UTRN: variants seen among roughly 807,000 people sequenced by gnomAD.
UTRN encodes dystrophin-related protein 1.
Under a neutral mutation model 463.9 loss-of-function variants are expected in UTRN, and 283 were observed. That is an observed-to-expected ratio of 0.61 (90% confidence interval 0.55 to 0.67). The LOEUF is 0.67. Among genes scored for constraint, UTRN ranks in the 30% least tolerant of loss-of-function variants. The pLI is 0.00. For missense variants in UTRN, 3,922 were observed against 4,084.3 expected (o/e 0.96, Z 1.08); for synonymous variants, 1,442 against 1,431.5 (o/e 1.01, Z -0.17).
chr6:144,373,145 A>G (rs1444430470), intron 2 of UTRN, among the ~76,000 whole-genome samples: 6 of 152,198 alleles, frequency 3.9e-5, no homozygotes, highest in Non-Finnish European at 8.8e-5. Flanking sequence ...TTATCATATA[A>G]CTCAGTAATT....
chr6:144,527,751 A>T (rs1251197167), intron 41 of UTRN, among the ~76,000 whole-genome samples: 1 of 151,964 alleles, frequency 6.6e-6, no homozygotes, highest in Non-Finnish European at 1.5e-5. Context: ...TTGAGCTCTG[A>T]GGTTTCTTCT....
At chr6:144,359,881 G>T (rs538262245) in intron 2 of UTRN, among the ~76,000 whole-genome samples, 2 of 152,128 alleles carry the variant, frequency 1.3e-5, no homozygotes, top group South Asian at 4.1e-4. Context: ...GTTTTTCCCA[G>T]TGTTGCTGCA....
At chr6:144,732,241 T>TAC (rs1554359946) in intron 54 of UTRN, among the ~76,000 whole-genome samples, 641 of 23,862 alleles carry the variant, frequency 0.027, 1 homozygote, top group Non-Finnish European at 0.038. Flanking sequence ...TATATATACA[T>TAC]ATATATATAT....
chr6:144,346,857 C>T (rs1382697119), intron 2 of UTRN, among the ~76,000 whole-genome samples: 1 of 150,330 alleles, frequency 6.7e-6, no homozygotes, highest in Non-Finnish European at 1.5e-5. Context: ...ATCACTATCT[C>T]TCTGTCTATC....
chr6:144,323,032 AG>A, intron 2 of UTRN, among the ~76,000 whole-genome samples: 1 of 152,150 alleles, frequency 6.6e-6, no homozygotes, highest in Non-Finnish European at 1.5e-5. Context: ...CCATGTGTAA[AG>A]GATTAGTGAG....
chr6:144,514,294 G>A (rs1386364664), intron 36 of UTRN, among the ~76,000 whole-genome samples: 1 of 152,190 alleles, frequency 6.6e-6, no homozygotes, highest in East Asian at 1.9e-4. Flanking sequence ...GAGTCTTGCT[G>A]ATTGCTGACT....
chr6:144,539,256 A>C, intron 44 of UTRN, 38 bp from the exon 45 acceptor site: 1 of 1,523,254 alleles, frequency 6.6e-7, no homozygotes, highest in Non-Finnish European at 8.8e-7. Context: ...CCCTTATCTG[A>C]CTACCTTCTA....
At chr6:144,820,755 A>G (rs1417573283) in intron 65 of UTRN, 127 bp from the exon 66 acceptor site, 9 of 1,191,852 alleles carry the variant, frequency 7.6e-6, no homozygotes, top group Non-Finnish European at 8.0e-6. Flanking sequence ...CTTTATTTCA[A>G]AAATGCATAA....
chr6:144,462,003 C>T (rs1026388535), intron 22 of UTRN, among the ~76,000 whole-genome samples: 6 of 151,992 alleles, frequency 3.9e-5, no homozygotes, highest in African/African-American at 1.4e-4. Context: ...TAGTTTGCTG[C>T]ACTACGTATT....
rs575786367 is a variant in UTRN at position 144,687,622 on chromosome 6, C to T, written c.7652+9044C>T. Among the ~76,000 whole-genome samples the T allele has an allele frequency of 1.5e-4, 23 of 152,166 alleles. 1 individual carries two copies. The highest frequency in any genetic ancestry group is 6.2e-4 in the South Asian group (3 of 4,822). ...TGCTGAATACAAAATTCTTGGCTGACGGTTTTTTCTGTTTAAAGAGGCTAC... is the reference window on the plus strand; with the variant it reads ...TGCTGAATACAAAATTCTTGGCTGATGGTTTTTTCTGTTTAAAGAGGCTAC... On this transcript the variant is annotated intron_variant, in intron 52 of 74. Coordinates refer to ENST00000367545, the MANE Select transcript of UTRN (RefSeq NM_007124.3).
chr6:144,322,708 G>A (rs1775736425), intron 2 of UTRN, among the ~76,000 whole-genome samples: 1 of 152,210 alleles, frequency 6.6e-6, no homozygotes, highest in South Asian at 2.1e-4. Context: ...GGAGGCCGAG[G>A]TGGGCGGATC....
At chr6:144,850,922 T>A (rs754409170) in intron 74 of UTRN, 67 bp from the exon 75 acceptor site, 1 of 1,599,682 alleles carries the variant, frequency 6.3e-7, no homozygotes, top group Non-Finnish European at 8.6e-7. Context: ...CTTGAAGAAT[T>A]GACAGATCTC....
At chr6:144,508,206 C>T (rs1025707014) in intron 34 of UTRN, among the ~76,000 whole-genome samples, 3 of 152,142 alleles carry the variant, frequency 2.0e-5, no homozygotes, top group African/African-American at 7.2e-5. Context: ...AGCTAGACCA[C>T]TTGGCTCCCT....
At chr6:144,522,868 A>C (rs1796230190) in intron 40 of UTRN, 148 bp from the exon 41 acceptor site, 1 of 706,312 alleles carries the variant, frequency 1.4e-6, no homozygotes, top group Admixed American at 3.3e-5. Context: ...CATTTAAAAA[A>C]AAAAAGTTTT....
At chr6:144,793,507 T>G (rs1364314949) in intron 62 of UTRN, among the ~76,000 whole-genome samples, 1 of 152,246 alleles carries the variant, frequency 6.6e-6, no homozygotes, top group Non-Finnish European at 1.5e-5. Flanking sequence ...AATTAATTCA[T>G]ATGCATTTAT....
chr6:144,423,907 C>G, intron 5 of UTRN, 79 bp from the exon 6 acceptor site: 2 of 1,439,360 alleles, frequency 1.4e-6, no homozygotes, highest in Non-Finnish European at 1.9e-6. Flanking sequence ...TCCAAATGTG[C>G]TAAAATAAAA....
At chr6:144,678,026 A>T in intron 51 of UTRN, among the ~76,000 whole-genome samples, 1 of 152,170 alleles carries the variant, frequency 6.6e-6, no homozygotes, top group African/African-American at 2.4e-5. Context: ...AGATTGCAGA[A>T]ATTTTCTCCC....
chr6:144,788,799 G>T (rs1348559770), intron 61 of UTRN, among the ~76,000 whole-genome samples: 2 of 152,182 alleles, frequency 1.3e-5, no homozygotes, highest in Non-Finnish European at 2.9e-5. Flanking sequence ...CTGACCTCAG[G>T]TGATCCGCCT....
chr6:144,486,454 ATTATC>A (rs1792461007), intron 28 of UTRN, among the ~76,000 whole-genome samples: 1 of 152,194 alleles, frequency 6.6e-6, no homozygotes, highest in South Asian at 2.1e-4. Flanking sequence ...CTTCCTAATT[ATTATC>A]TTTTATGTAT....
Sources: allele counts gnomAD v4.1 joint callset (sites outside exome capture counted in the v4.1 genomes callset), GRCh38; gene constraint gnomAD v4.1.1; transcripts MANE v1.5; gene names NCBI Gene and HGNC (gene_info 2026-07-23, HGNC 2026-07-21).